EPHX4: variants seen among roughly 807,000 people sequenced by gnomAD.
EPHX4 encodes the protein abhydrolase domain containing 7.
Under a neutral mutation model 44.9 loss-of-function variants are expected in EPHX4, and 31 were observed. The observed-to-expected ratio is 0.69, with a 90% CI of 0.52 to 0.93. The LOEUF (loss-of-function observed/expected upper bound fraction) is 0.93, where lower values mean the gene tolerates loss of function less well. EPHX4 is among the 40% of genes least tolerant of loss of function. EPHX4 has a pLI of 0.00. For missense variants in EPHX4, 373 were observed against 438.1 expected (o/e 0.85, Z 1.33); for synonymous variants, 151 against 159.7 (o/e 0.95, Z 0.41).
At chr1:92,051,640 A>G (rs908077053) in intron 5 of EPHX4, among the ~76,000 whole-genome samples, 7 of 152,142 alleles carry the variant, frequency 4.6e-5, no homozygotes, top group Non-Finnish European at 7.3e-5. Flanking sequence ...AGGATACTTA[A>G]TAGGTGGTGC....
At chr1:92,057,888 A>G (rs1647404066) in intron 6 of EPHX4, among the ~76,000 whole-genome samples, 1 of 152,160 alleles carries the variant, frequency 6.6e-6, no homozygotes, top group African/African-American at 2.4e-5. Flanking sequence ...GGTGTGAACC[A>G]CCGGCACCCG....
rs759827679 is a variant in EPHX4 at position 92,030,130 on chromosome 1, C to T, written c.51C>T (p.Ser17=). The T allele has an allele frequency of 3.1e-6, 5 of 1,611,972 alleles. No homozygotes were observed. Among genetic ancestry groups the T allele is most frequent in the South Asian group, 1.1e-5 (1 of 90,812 alleles). The change falls in exon 1 of 7, where the codon TCC becomes TCT. Residue 17 remains serine, a synonymous_variant. Coordinates refer to ENST00000370383, the MANE Select transcript of EPHX4 (RefSeq NM_173567.5). ...CCCGCCTGATGCTCACGCTCCGGTC[C>T]CTGCTCTTCTGGTCCCTGGTCTACT... ...CLPRLMLTLR[S]LLFWSLVYCY... is the part of the protein sequence containing the mutation.
At position 92,030,167 on chromosome 1, in the gene EPHX4, C is replaced by T. The variant is rs144167050; in HGVS notation, c.88C>T (p.Leu30Phe). The change falls in exon 1 of 7, where the codon CTC becomes TTC. Residue 30 changes from leucine (L) to phenylalanine (F), a missense_variant. By Grantham distance (22) the Leu-to-Phe change is conservative. Transcript: ENST00000370383. Reference sequence around the variant, plus strand: ...GTCCCTGGTCTACTGCTACTGCGGGCTCTGCGCCTCCATCCACCTGCTCAA... The same window carrying T: ...GTCCCTGGTCTACTGCTACTGCGGGTTCTGCGCCTCCATCCACCTGCTCAA... ...FWSLVYCYCGLCASIHLLKLL... is the reference protein window; with the variant it reads ...FWSLVYCYCGFCASIHLLKLL... The T allele has an allele frequency of 2.9e-5, 46 of 1,612,458 alleles. No homozygotes were observed. The highest frequency in any genetic ancestry group is 3.8e-5 in the Non-Finnish European group (45 of 1,179,348).
At chr1:92,052,750 T>C (rs1448586950) in intron 6 of EPHX4, 92 bp downstream of exon 6, 20 of 1,137,186 alleles carry the variant, frequency 1.8e-5, no homozygotes, top group Non-Finnish European at 2.3e-5. Flanking sequence ...TCACCACTTA[T>C]CCAAAGACTC....
chr1:92,035,392 C>T (rs1397163185), intron 2 of EPHX4, among the ~76,000 whole-genome samples: 1 of 152,198 alleles, frequency 6.6e-6, no homozygotes, highest in Non-Finnish European at 1.5e-5. Flanking sequence ...GAACCCTAAA[C>T]AGTCATCTAC....
intron 4 of EPHX4, among the ~76,000 whole-genome samples, chr1:92,046,874 C>A (rs1234949961): frequency 1.3e-5 from 2 of 152,172 alleles, no homozygotes; most frequent in African/African-American, 2.4e-5. Context: ...TATCTTTTAT[C>A]CATGCCTGGT....
chr1:92,030,039 C>G lies in EPHX4; in HGVS notation c.-41C>G, dbSNP rs1473693194. The G allele has an allele frequency of 3.5e-6, 5 of 1,446,230 alleles. No homozygotes were observed. The highest frequency in any genetic ancestry group is 3.0e-5 in the African/African-American group (2 of 67,754). 89.6% of individuals were successfully genotyped at this position (1,446,230 alleles called of 1,614,324 possible). ...TGGCGCGCTGCGGCGCTCGCTCACC[C>G]GCTCCCGAGGAAGGGCAGTGGGCCC... On this transcript the variant is annotated 5_prime_UTR_variant, in exon 1 of 7. Coordinates refer to ENST00000370383, the MANE Select transcript of EPHX4 (RefSeq NM_173567.5).
chr1:92,043,086 A>G (rs1005880064), intron 3 of EPHX4, 106 bp downstream of exon 3: 3 of 889,318 alleles, frequency 3.4e-6, no homozygotes, highest in Non-Finnish European at 5.0e-6. Flanking sequence ...ATCTACCCAA[A>G]TTATCTGGAT....
At chr1:92,041,112 C>T (rs1288532834) in intron 2 of EPHX4, among the ~76,000 whole-genome samples, 4 of 151,898 alleles carry the variant, frequency 2.6e-5, no homozygotes, top group Non-Finnish European at 4.4e-5. Flanking sequence ...ATGGATCTCT[C>T]TATTTCGATT....
intron 5 of EPHX4, 118 bp downstream of exon 5, chr1:92,050,538 G>T: frequency 1.6e-6 from 1 of 612,044 alleles, no homozygotes. Flanking sequence ...AACTTAAATG[G>T]TTTTAAGAAC....
rs142939158 is a variant in EPHX4 at position 92,049,724 on chromosome 1, G to C, written c.605-593G>C. ...GGAAAAGTGGTAGGTCACTGATAAT[G>C]ACCTTGGAGGAAAAGCAGCGTTGTT... On this transcript the variant is annotated intron_variant, in intron 4 of 6. Transcript: ENST00000370383. 1.0e-3 allele frequency among the ~76,000 whole-genome samples: 152 copies of C among 152,266 alleles called. 1 individual carries two copies. Among genetic ancestry groups the C allele is most frequent in the African/African-American group, 3.1e-3 (128 of 41,556 alleles).
chr1:92,049,862 G>A (rs990901492), intron 4 of EPHX4, among the ~76,000 whole-genome samples: 7 of 152,110 alleles, frequency 4.6e-5, no homozygotes, highest in African/African-American at 1.7e-4. Flanking sequence ...ACTTTGGGAG[G>A]CCGAGGTGGG....
At chr1:92,056,261 T>C (rs1647363040) in intron 6 of EPHX4, among the ~76,000 whole-genome samples, 1 of 152,184 alleles carries the variant, frequency 6.6e-6, no homozygotes, top group African/African-American at 2.4e-5. Context: ...TACATTATAG[T>C]CAGGCATGAA....
At chr1:92,041,957 G>A (rs1688514231) in intron 2 of EPHX4, among the ~76,000 whole-genome samples, 1 of 152,206 alleles carries the variant, frequency 6.6e-6, no homozygotes, top group African/African-American at 2.4e-5. Context: ...GCTGAAGCAG[G>A]AGAATTGCTT....
intron 1 of EPHX4, among the ~76,000 whole-genome samples, 175 bp downstream of exon 1, chr1:92,030,485 T>A (rs867052011): frequency 9.4e-5 from 13 of 138,652 alleles, no homozygotes; most frequent in African/African-American, 1.7e-4. Flanking sequence ...TGTGTGTGTG[T>A]GAGAGAGAGA....
intron 2 of EPHX4, among the ~76,000 whole-genome samples, chr1:92,034,364 G>A (rs1164175785): frequency 1.3e-5 from 2 of 149,098 alleles, no homozygotes; most frequent in African/African-American, 4.9e-5. Context: ...AGTTTTTATA[G>A]CACAGGGCTA....
At chr1:92,041,204 C>T (rs1688503585) in intron 2 of EPHX4, among the ~76,000 whole-genome samples, 2 of 152,124 alleles carry the variant, frequency 1.3e-5, no homozygotes, top group South Asian at 4.2e-4. Flanking sequence ...GCACTGTGGC[C>T]CTTCTAATTG....
At chr1:92,050,012 T>G (rs1647222073) in intron 4 of EPHX4, among the ~76,000 whole-genome samples, 1 of 151,866 alleles carries the variant, frequency 6.6e-6, no homozygotes, top group Admixed American at 6.6e-5. Flanking sequence ...GGCAGGAGAA[T>G]CGCTTGAACC....
chr1:92,049,240 T>G (rs1459767389), intron 4 of EPHX4, among the ~76,000 whole-genome samples: 2 of 152,280 alleles, frequency 1.3e-5, no homozygotes, highest in East Asian at 3.9e-4. Context: ...CAGGATCTAC[T>G]TGCTGTTCCT....
Sources: allele counts gnomAD v4.1 joint callset (sites outside exome capture counted in the v4.1 genomes callset), GRCh38; gene constraint gnomAD v4.1.1; transcripts MANE v1.5; gene names NCBI Gene and HGNC (gene_info 2026-07-23, HGNC 2026-07-21).